Variants in SND1 observed in about 807,000 individuals in gnomAD.
The protein encoded by SND1 is staphylococcal nuclease domain-containing protein 1.
A neutral mutation model predicts 121.7 loss-of-function variants in SND1; 38 were observed. The ratio of observed to expected loss-of-function variants is 0.31; its 90% CI spans 0.24 to 0.41. The LOEUF (loss-of-function observed/expected upper bound fraction) is 0.41, where lower values mean the gene tolerates loss of function less well. Among genes scored for constraint, SND1 ranks in the 10% least tolerant of loss-of-function variants. The pLI, the probability that SND1 is intolerant of heterozygous loss-of-function variation, is 1.00. For missense variants in SND1, 868 were observed against 1,184.6 expected, an observed-to-expected ratio of 0.73 and a Z score of 3.92; for synonymous variants, 401 against 447.4, an observed-to-expected ratio of 0.90 and a Z score of 1.31.
intron 16 of SND1, among the ~76,000 whole-genome samples, chr7:128,018,255 G>A (rs569821186): frequency 6.6e-6 from 1 of 152,202 alleles, no homozygotes; most frequent in East Asian, 1.9e-4. Context: ...CATCGGAGCT[G>A]TATGGGGTCC....
At chr7:127,750,568 C>G (rs760534905) in intron 10 of SND1, among the ~76,000 whole-genome samples, 8 of 152,152 alleles carry the variant, frequency 5.3e-5, no homozygotes, top group Non-Finnish European at 1.0e-4. Flanking sequence ...TATTCCTTAT[C>G]TGAAATGCTT....
At chr7:127,784,313 G>A (rs1026123057) in intron 10 of SND1, among the ~76,000 whole-genome samples, 3 of 152,138 alleles carry the variant, frequency 2.0e-5, no homozygotes, top group African/African-American at 4.8e-5. Flanking sequence ...CAAACAAAGC[G>A]AGGCCCTTGC....
intron 16 of SND1, among the ~76,000 whole-genome samples, chr7:128,055,969 G>A (rs765155100): frequency 6.6e-5 from 10 of 152,226 alleles, no homozygotes. Flanking sequence ...AGGCAGGACT[G>A]AGTTCAAATT....
At chr7:127,802,739 C>A (rs1798158257) in intron 10 of SND1, among the ~76,000 whole-genome samples, 1 of 152,180 alleles carries the variant, frequency 6.6e-6, no homozygotes, top group Admixed American at 6.5e-5. Context: ...TATCTAATAG[C>A]TGAAGCTTAG....
At chr7:128,025,617 T>C (rs1413229904) in intron 16 of SND1, among the ~76,000 whole-genome samples, 2 of 152,162 alleles carry the variant, frequency 1.3e-5, no homozygotes, top group Non-Finnish European at 2.9e-5. Flanking sequence ...GCATTTTTGG[T>C]ACTCACGGGA....
chr7:127,700,664 T>G (rs1796085400), intron 4 of SND1, among the ~76,000 whole-genome samples: 2 of 152,380 alleles, frequency 1.3e-5, no homozygotes, highest in Non-Finnish European at 2.9e-5. Flanking sequence ...CTAGCTTGCC[T>G]TATTGAATGT....
At chr7:127,681,154 A>G (rs1326547129) in intron 1 of SND1, among the ~76,000 whole-genome samples, 1 of 152,162 alleles carries the variant, frequency 6.6e-6, no homozygotes, top group Non-Finnish European at 1.5e-5. Context: ...ATCCTTGTCA[A>G]CACTTGTTAT....
intron 16 of SND1, among the ~76,000 whole-genome samples, chr7:128,025,972 A>T (rs1803466540): frequency 6.6e-6 from 1 of 151,936 alleles, no homozygotes; most frequent in Non-Finnish European, 1.5e-5. Context: ...ACCCTTAGTC[A>T]TTGCAAAGTT....
rs184203658 is a variant in SND1, at chr7:127,790,589, C to T, written c.1153-16895C>T. Among the ~76,000 whole-genome samples, 3 of 152,246 alleles carry T rather than the reference C, an allele frequency of 2.0e-5. No homozygotes were observed. In the East Asian group the frequency reaches 5.8e-4, roughly 29 times the overall value. On this transcript the variant is annotated intron_variant, in intron 10 of 23. Transcript: ENST00000354725. ...TTCATAAGTAAAAATATAGGTAATA[C>T]TTGCTGACTCTTTTGAATTGCTTTG...
At chr7:127,800,961 A>G (rs926537174) in intron 10 of SND1, among the ~76,000 whole-genome samples, 2 of 152,122 alleles carry the variant, frequency 1.3e-5, no homozygotes, top group Non-Finnish European at 2.9e-5. Flanking sequence ...TTCCAGCTCA[A>G]TTTTGTTTTT....
At chr7:128,048,871 A>C (rs1282804573) in intron 16 of SND1, among the ~76,000 whole-genome samples, 2 of 152,128 alleles carry the variant, frequency 1.3e-5, no homozygotes, top group Non-Finnish European at 1.5e-5. Flanking sequence ...TCTGCAGTGC[A>C]CTTTCAGTGA....
intron 14 of SND1, among the ~76,000 whole-genome samples, chr7:127,921,407 A>T (rs1049341477): frequency 6.6e-6 from 1 of 152,176 alleles, no homozygotes; most frequent in African/African-American, 2.4e-5. Flanking sequence ...CAAAGTAGTG[A>T]TCAAAGTAGA....
chr7:128,028,855 C>T, intron 16 of SND1: 1 of 1,614,178 alleles, frequency 6.2e-7, no homozygotes, highest in Non-Finnish European at 8.5e-7. Flanking sequence ...GGCAGCACTA[C>T]TGCCCCCTCA....
chr7:128,077,429 A>G (rs1179387809), intron 17 of SND1, among the ~76,000 whole-genome samples: 1 of 152,224 alleles, frequency 6.6e-6, no homozygotes, highest in East Asian at 1.9e-4. Context: ...CCGCAGCAAC[A>G]GAACACAAGG....
At chr7:127,838,852 C>G (rs1316332662) in intron 11 of SND1, among the ~76,000 whole-genome samples, 3 of 152,174 alleles carry the variant, frequency 2.0e-5, no homozygotes. Context: ...GCATTTAACT[C>G]TGTGCCAGAC....
At chr7:127,785,766 G>C (rs1011433697) in intron 10 of SND1, among the ~76,000 whole-genome samples, 4 of 152,180 alleles carry the variant, frequency 2.6e-5, no homozygotes, top group Non-Finnish European at 5.9e-5. Context: ...AATGGTGGCT[G>C]ACAGGATAGT....
At chr7:128,031,050 G>GAGGGGAGGGGAGGGGAGGGA in intron 16 of SND1, 1 of 150,124 alleles carries the variant, frequency 6.7e-6, no homozygotes, top group East Asian at 2.0e-4. Context: ...GGGCAGAGGG[G>GAGGGGAGGGGAGGGGAGGGA]AGGGGAGGGG....
chr7:127,839,131 A>G (rs963564847), intron 11 of SND1, among the ~76,000 whole-genome samples: 22 of 152,034 alleles, frequency 1.4e-4, no homozygotes, highest in Middle Eastern at 3.2e-3. Context: ...GAAACATTCC[A>G]TTTTACTTAC....
chr7:127,968,808 C>G (rs1424285460), intron 15 of SND1, among the ~76,000 whole-genome samples: 2 of 152,190 alleles, frequency 1.3e-5, no homozygotes, highest in East Asian at 3.9e-4. Context: ...CTGAACTGGG[C>G]TGTGGTTCTC....
Sources: allele counts gnomAD v4.1 joint callset (sites outside exome capture counted in the v4.1 genomes callset), GRCh38; gene constraint gnomAD v4.1.1; transcripts MANE v1.5; gene names NCBI Gene and HGNC (gene_info 2026-07-23, HGNC 2026-07-21).